CRYGN: variants seen among roughly 807,000 people sequenced by gnomAD.
CRYGN encodes crystallin gamma N.
In CRYGN, 17 loss-of-function variants were observed where a neutral mutation model predicts 19.2. That is an observed-to-expected ratio of 0.89 (90% CI 0.61 to 1.33). CRYGN has a LOEUF of 1.33. CRYGN is among the 40% of genes most tolerant of loss of function. The pLI is 0.00. For missense variants in CRYGN, 239 were observed against 239.6 expected (o/e 1.00, Z 0.02); for synonymous variants, 84 against 85.8 (o/e 0.98, Z 0.12).
At chr7:151,432,625 G>A (rs867650645) in intron 3 of CRYGN, among the ~76,000 whole-genome samples, 7 of 152,334 alleles carry the variant, frequency 4.6e-5, no homozygotes, top group Middle Eastern at 3.4e-3. Flanking sequence ...CCAACGTGGT[G>A]AAACCCCGTC....
At chr7:151,439,691 G>A (rs1171959777) in intron 1 of CRYGN, among the ~76,000 whole-genome samples, 1 of 152,164 alleles carries the variant, frequency 6.6e-6, no homozygotes, top group African/African-American at 2.4e-5. Context: ...AATCCCAGAA[G>A]GAAGGAGTGG....
In CRYGN at chr7:151,437,666, G is replaced by A. The variant is rs529640229; in HGVS notation, c.270+330C>T. 2.4e-3 allele frequency among the ~76,000 whole-genome samples: 359 copies of A among 152,316 alleles called. 6 individuals are homozygous for A. The highest frequency in any genetic ancestry group is 7.9e-3 in the African/African-American group (329 of 41,572). ...GGCCCAAATCAGCCTCCCATTGGCG[G>A]AGTGTCCCCTATCTGGCTGGAAATC... On this transcript the variant is annotated intron_variant, in intron 2 of 3. Coordinates refer to ENST00000337323, the MANE Select transcript of CRYGN (RefSeq NM_144727.3).
chr7:151,438,167 C>T lies in CRYGN; in HGVS notation c.99G>A (p.Arg33=), dbSNP rs765883194. 6.2e-7 allele frequency: 1 copy of T among 1,614,066 alleles called. No individual in the cohort carries two copies. Among genetic ancestry groups the T allele is most frequent in the African/African-American group, 1.3e-5 (1 of 74,932 alleles). The change falls in exon 2 of 4, where the codon CGG becomes CGA. Residue 33 remains arginine (R), a synonymous_variant. Transcript: ENST00000337323. ...VFGDCDNFQD[R]GFMNRVNSIH... ...TGGAGTTCACTCGGTTCATAAAGCC[C>T]CGGTCCTGGAAGTTGTCACAGTCCC...
rs1423034613 is a variant in CRYGN at position 151,429,187 on chromosome 7, G to C, written c.*861C>G. ...ACTGCTGTACGTCTGAAGACACTGA[G>C]ACACACAGCAGTGGCTTCTCCAATG... On this transcript the variant is annotated 3_prime_UTR_variant, in exon 4 of 4. Transcript: ENST00000337323. 1 of 152,432 alleles carries C rather than the reference G, an allele frequency of 6.6e-6. No individual in the cohort carries two copies. The highest frequency in any genetic ancestry group is 6.5e-5 in the Admixed American group (1 of 15,282). 9.4% of individuals were successfully genotyped at this position (152,432 alleles called of 1,614,324 possible).
Position 151,436,085 on chromosome 7 carries a change from CCCACCCA to C in CRYGN, c.416+88_416+94del. 2 of 1,056,214 alleles carry C rather than the reference CCCACCCA, an allele frequency of 1.9e-6. No individual in the cohort carries two copies. Among genetic ancestry groups the C allele is most frequent in the Non-Finnish European group, 2.5e-6 (2 of 804,204 alleles). 65.4% of individuals were successfully genotyped at this position (1,056,214 alleles called of 1,614,324 possible). A position where few individuals can be genotyped will look rare whatever the true frequency, so the allele number is the denominator to read the frequency against. Reference sequence around the variant, plus strand: ...CCACTGCTGGAGGTCTCATTCCCACCCCACCCACCACCCCTGTGTGGCGGGCAGCCTC... The same window carrying C: ...CCACTGCTGGAGGTCTCATTCCCACCCCACCCCTGTGTGGCGGGCAGCCTC... On this transcript the variant is annotated intron_variant, in intron 3 of 3. Transcript: ENST00000337323. This position sits in a 1 kb window ranked among gnomAD's most constrained non-coding sequence, Gnocchi z 5.1.
chr7:151,437,803 C>T (rs1043396759), intron 2 of CRYGN, 193 bp downstream of exon 2: 50 of 1,459,246 alleles, frequency 3.4e-5, no homozygotes, highest in Non-Finnish European at 4.2e-5. Context: ...GCCACTCCCA[C>T]TCAGTTCATA....
chr7:151,440,137 C>T lies in CRYGN; in HGVS notation c.-220G>A. ...GCCCGGGGTCTCCCTGTGCTCTCCG[C>T]GTTTAGCTCCCGAGCCTCCTTCCTC... On this transcript the variant is annotated 5_prime_UTR_variant, in exon 1 of 4. Transcript: ENST00000337323. 1 of 1,326,060 alleles carries T rather than the reference C, an allele frequency of 7.5e-7. No individual in the cohort carries two copies. Among genetic ancestry groups the T allele is most frequent in the Non-Finnish European group, 9.6e-7 (1 of 1,036,474 alleles). The allele number at this position is 1,326,060 out of a possible 1,614,324, so 82.1% of individuals were successfully genotyped here.
Position 151,439,955 on chromosome 7 carries a change from C to A in CRYGN, c.-38G>T. The A allele has an allele frequency of 1.3e-6, 2 of 1,508,236 alleles. No individual in the cohort carries two copies. The allele number at this position is 1,508,236 out of a possible 1,614,324, so 93.4% of individuals were successfully genotyped here. A position where few individuals can be genotyped will look rare whatever the true frequency, so the allele number is the denominator to read the frequency against. On this transcript the variant is annotated 5_prime_UTR_variant, in exon 1 of 4. Coordinates refer to ENST00000337323, the MANE Select transcript of CRYGN (RefSeq NM_144727.3). ...CCCTTCCGCGGGTCCCCGTTTACAC[C>A]GGGCAGCGCCCTGCTGGCTCAGCGC...
rs1203239517 is a variant in CRYGN at position 151,436,950 on chromosome 7, C to T, written c.271-625G>A. 6.6e-6 allele frequency: 1 copy of T among 152,078 alleles called. No individual in the cohort carries two copies. The highest frequency in any genetic ancestry group is 1.5e-5 in the Non-Finnish European group (1 of 68,030). The allele number at this position is 152,078 out of a possible 1,614,324, so 9.4% of individuals were successfully genotyped here. A position where few individuals can be genotyped will look rare whatever the true frequency, so the allele number is the denominator to read the frequency against. On this transcript the variant is annotated intron_variant, in intron 2 of 3. Coordinates refer to ENST00000337323, the MANE Select transcript of CRYGN (RefSeq NM_144727.3). The surrounding 1 kb of genome is among the most constrained non-coding windows in gnomAD (Gnocchi z 5.1). ...GCCAGCCCCTGCCTGGCTCAGAAGCCGGCAGGGCCTGGTCTGCGTCACAGC... is the reference window on the plus strand; with the variant it reads ...GCCAGCCCCTGCCTGGCTCAGAAGCTGGCAGGGCCTGGTCTGCGTCACAGC...
At position 151,440,107 on chromosome 7, in the gene CRYGN, G is replaced by C. The variant is rs1801726756; in HGVS notation, c.-190C>G. The C allele has an allele frequency of 7.3e-7, 1 of 1,361,356 alleles. No individual in the cohort carries two copies. Among genetic ancestry groups the C allele is most frequent in the Non-Finnish European group, 9.4e-7 (1 of 1,061,994 alleles). 84.3% of individuals were successfully genotyped at this position (1,361,356 alleles called of 1,614,324 possible). A position where few individuals can be genotyped will look rare whatever the true frequency, so the allele number is the denominator to read the frequency against. On this transcript the variant is annotated 5_prime_UTR_variant, in exon 1 of 4. Coordinates refer to ENST00000337323, the MANE Select transcript of CRYGN (RefSeq NM_144727.3). ...CCCTGTGCCACCGCGAGTGCAGCCC[G>C]CCCTGCCCGGGGTCTCCCTGTGCTC...
chr7:151,436,251 G>A lies in CRYGN; in HGVS notation c.345C>T (p.Asp115=), dbSNP rs1563081556. Residue 115 remains aspartate (D), a synonymous_variant, in exon 3 of 4, where the codon GAC becomes GAT. Transcript: ENST00000337323. The surrounding 1 kb of genome is among the most constrained non-coding windows in gnomAD (Gnocchi z 5.1). The stretch of plus-strand genomic sequence containing the variant: ...AGCCCCTGCTCTGGAGGAAGGGGCT[G>A]TCCTCCAGGAACTCCAGGCACTGGC... The part of the protein sequence containing the change: ...FTGQCLEFLE[D]SPFLQSRGWV... The A allele has an allele frequency of 6.3e-7, 1 of 1,599,328 alleles. No individual in the cohort carries two copies. The highest frequency in any genetic ancestry group is 2.3e-5 in the East Asian group (1 of 43,900).
chr7:151,432,249 G>T (rs1563079713), intron 3 of CRYGN: 5 of 1,232,082 alleles, frequency 4.1e-6, no homozygotes, highest in Admixed American at 8.4e-5. Context: ...CCACGTACAT[G>T]CGGCCGTGGT....
Position 151,436,866 on chromosome 7 carries a change from T to A in CRYGN, c.271-541A>T, listed in dbSNP as rs1801621445. On this transcript the variant is annotated intron_variant, in intron 2 of 3. Transcript: ENST00000337323. This position sits in a 1 kb window ranked among gnomAD's most constrained non-coding sequence, Gnocchi z 5.1. ...ACCCCTGCTGGCCTTGACATCATTG[T>A]CCCCTAGGCTCAGCACATCTCCCTA... The A allele has an allele frequency of 6.6e-6, 1 of 152,162 alleles. No individual in the cohort carries two copies. Among genetic ancestry groups the A allele is most frequent in the South Asian group, 2.1e-4 (1 of 4,830 alleles). The allele number at this position is 152,162 out of a possible 1,614,324, so 9.4% of individuals were successfully genotyped here.
Position 151,438,133 on chromosome 7 carries a change from C to G in CRYGN, c.133G>C (p.Glu45Gln), listed in dbSNP as rs775924555. 18 of 1,614,204 alleles carry G rather than the reference C, an allele frequency of 1.1e-5. 1 individual carries two copies. In the Admixed American group the frequency reaches 3.0e-4, roughly 27 times the overall value. ...FMNRVNSIHV[E>Q]SGAWVCFNHP... ...TTGAAGCAGACCCAGGCTCCGCTCT[C>G]CACGTGGATGGAGTTCACTCGGTTC... Residue 45 changes from glutamate to glutamine, a missense_variant, in exon 2 of 4, where the codon GAG becomes CAG. Physicochemically the swap from Glu to Gln is conservative, Grantham distance 29. Coordinates refer to ENST00000337323, the MANE Select transcript of CRYGN (RefSeq NM_144727.3).
At position 151,435,196 on chromosome 7, in the gene CRYGN, G is replaced by A. The variant is rs900663273; in HGVS notation, c.416+984C>T. On this transcript the variant is annotated intron_variant, in intron 3 of 3. Transcript: ENST00000337323. This position sits in a 1 kb window ranked among gnomAD's most constrained non-coding sequence, Gnocchi z 4.2. ...CGGCAAATTGTTCCTCAATTGCTTC[G>A]ATAGGCGCCAGAACCATGCACAGCC... Among the ~76,000 whole-genome samples the A allele has an allele frequency of 3.3e-5, 5 of 152,288 alleles. No individual in the cohort carries two copies. Among genetic ancestry groups the A allele is most frequent in the African/African-American group, 7.2e-5 (3 of 41,554 alleles).
At position 151,433,256 on chromosome 7, in the gene CRYGN, T is replaced by A. The variant is rs956186314; in HGVS notation, c.416+2924A>T. Among the ~76,000 whole-genome samples, 3 of 152,122 alleles carry A rather than the reference T, an allele frequency of 2.0e-5. No individual in the cohort carries two copies. The highest frequency in any genetic ancestry group is 4.4e-5 in the Non-Finnish European group (3 of 68,012). ...CACAGCTCTTCATCACCCAGGAAGC[T>A]GTGGGCCCGGCCCAGAAAAGCAGGA... is the stretch of plus-strand genomic sequence containing the variant. On this transcript the variant is annotated intron_variant, in intron 3 of 3. Coordinates refer to ENST00000337323, the MANE Select transcript of CRYGN (RefSeq NM_144727.3). This position sits in a 1 kb window ranked among gnomAD's most constrained non-coding sequence, Gnocchi z 5.1.
Position 151,438,199 on chromosome 7 carries a change from C to A in CRYGN, c.67G>T (p.Val23Phe). 6.2e-7 allele frequency: 1 copy of A among 1,614,032 alleles called. No individual in the cohort carries two copies. Among genetic ancestry groups the A allele is most frequent in the Non-Finnish European group, 8.5e-7 (1 of 1,180,026 alleles). Reference sequence around the variant, plus strand: ...TGGAAGTTGTCACAGTCCCCGAAGACCTCCAGCTTCTGCCCTGTGAAGTGC... The same window carrying A: ...TGGAAGTTGTCACAGTCCCCGAAGAACTCCAGCTTCTGCCCTGTGAAGTGC... ...GKHFTGQKLE[V>F]FGDCDNFQDR... Residue 23 changes from valine to phenylalanine, a missense_variant, in exon 2 of 4, where the codon GTC (valine) becomes TTC (phenylalanine). Transcript: ENST00000337323.
In CRYGN at chr7:151,435,665, T is replaced by C. The variant is rs1017488277; in HGVS notation, c.416+515A>G. ...TCCCAGAGGCCAGGGTGGTGGGGGT[T>C]TGCAGAGAGGCCCGGTTCAGGGGTC... On this transcript the variant is annotated intron_variant, in intron 3 of 3. Coordinates refer to ENST00000337323, the MANE Select transcript of CRYGN (RefSeq NM_144727.3). The surrounding 1 kb of genome is among the most constrained non-coding windows in gnomAD (Gnocchi z 4.2). 7.9e-5 allele frequency among the ~76,000 whole-genome samples: 12 copies of C among 152,068 alleles called. No individual in the cohort carries two copies. Among genetic ancestry groups the C allele is most frequent in the African/African-American group, 2.9e-4 (12 of 41,472 alleles).
intron 2 of CRYGN, among the ~76,000 whole-genome samples, chr7:151,437,195 C>T (rs1801632728): frequency 6.6e-6 from 1 of 152,220 alleles, no homozygotes; most frequent in Non-Finnish European, 1.5e-5. Flanking sequence ...GGGCACCACA[C>T]AAAGGCCCCT....
Sources: allele counts gnomAD v4.1 joint callset (sites outside exome capture counted in the v4.1 genomes callset), GRCh38; gene constraint gnomAD v4.1.1; non-coding constraint Gnocchi (gnomAD v3.1); transcripts MANE v1.5; gene names NCBI Gene and HGNC (gene_info 2026-07-23, HGNC 2026-07-21).